Variants in DMWD observed in about 807,000 individuals in gnomAD.
DMWD encodes DM1 locus, WD repeat containing, also known as dystrophia myotonica WD repeat-containing protein.
In DMWD, 19 loss-of-function variants were observed where a neutral mutation model predicts 45.8. That is an observed-to-expected ratio of 0.41 (90% CI 0.29 to 0.61). The LOEUF (loss-of-function observed/expected upper bound fraction) is 0.61, where lower values mean the gene tolerates loss of function less well. Among genes scored for constraint, DMWD ranks in the 20% least tolerant of loss-of-function variants. The probability of loss-of-function intolerance (pLI) is 0.25; values close to 1 mark genes in which losing one functional copy is unlikely to be tolerated. For synonymous variants in DMWD, 515 were observed against 440.5 expected, an observed-to-expected ratio of 1.17 and a Z score of -2.12; for missense variants, 802 against 965.2, an observed-to-expected ratio of 0.83 and a Z score of 2.24.
At chr19:45,786,956 C>A in intron 2 of DMWD, 85 bp from the exon 3 acceptor site, 1 of 1,526,368 alleles carries the variant, frequency 6.6e-7, no homozygotes, top group Non-Finnish European at 8.8e-7. Flanking sequence ...CCAAGAAGGC[C>A]GTTGGACATG....
rs374443086 is a variant in DMWD, at chr19:45,785,595, G to A, written c.1901C>T (p.Ala634Val). The part of the protein sequence containing the change: ...LICTWARPGK[A>V]FTDEETEAQT... Reference sequence around the variant, plus strand: ...GCAGGCTGGTGTGGGGCCACTCACCGCCTTGCCCGGCCGGGCCCAGGTGCA... The same window carrying A: ...GCAGGCTGGTGTGGGGCCACTCACCACCTTGCCCGGCCGGGCCCAGGTGCA... Residue 634 changes from alanine (A) to valine (V), a missense_variant and splice_region_variant, in exon 3 of 5, where the codon GCG becomes GTG. Coordinates refer to ENST00000270223, the MANE Select transcript of DMWD (RefSeq NM_004943.2). The A allele has an allele frequency of 2.8e-5, 41 of 1,486,428 alleles. No homozygotes were observed. Among genetic ancestry groups the A allele is most frequent in the East Asian group, 2.5e-4 (10 of 40,738 alleles). 92.1% of individuals were successfully genotyped at this position (1,486,428 alleles called of 1,614,324 possible).
chr19:45,788,007 G>A (rs1970304538), intron 2 of DMWD, among the ~76,000 whole-genome samples: 1 of 152,178 alleles, frequency 6.6e-6, no homozygotes, highest in Non-Finnish European at 1.5e-5. Flanking sequence ...AACCCGGGAG[G>A]CGGAGGTTGC....
In DMWD at chr19:45,786,091, TG is replaced by T. The variant is rs1418622538; in HGVS notation, c.1404del (p.Thr469ArgfsTer190). 1 of 1,517,948 alleles carries T rather than the reference TG, an allele frequency of 6.6e-7. No homozygotes were observed. Among genetic ancestry groups the T allele is most frequent in the Non-Finnish European group, 8.8e-7 (1 of 1,131,782 alleles). 94.0% of individuals were successfully genotyped at this position (1,517,948 alleles called of 1,614,324 possible). ...CTCGAGCTGCTGGCGGCCGGTGGCG[TG>T]GTGCCAGGTGTGCCAGGGAGGGTGC... ...RTRTLPGTPG[T>X]TPPAASSSRG... On this transcript the variant is annotated frameshift_variant, in exon 3 of 5. Transcript: ENST00000270223. LOFTEE classifies it high-confidence loss of function.
rs780147513 is a variant in DMWD at position 45,785,897 on chromosome 19, G to T, written c.1599C>A (p.Asp533Glu). 3.7e-6 allele frequency: 6 copies of T among 1,603,616 alleles called. No individual in the cohort carries two copies. Among genetic ancestry groups the T allele is most frequent in the Non-Finnish European group, 4.2e-6 (5 of 1,179,480 alleles). The part of the protein sequence containing the change: ...FATLTLQERR[D>E]RGAEKEHKRY... ...GCTTGTGCTCCTTCTCTGCCCCCCG[G>T]TCCCGCCGCTCCTGCAGTGTGAGCG... Residue 533 changes from aspartate to glutamate, a missense_variant, in exon 3 of 5, where the codon GAC becomes GAA. Asp to Glu is a conservative substitution (Grantham distance 45). Around this residue, in one of 9 missense-constraint regions of DMWD, gnomAD observed 303 missense variants for 332.9 expected, o/e 0.91. Transcript: ENST00000270223.
At position 45,786,069 on chromosome 19, in the gene DMWD, G is replaced by A. The variant is rs766645711; in HGVS notation, c.1427C>T (p.Ser476Leu). The change falls in exon 3 of 5, where the codon TCG becomes TTG. Residue 476 changes from serine to leucine, a missense_variant. Physicochemically the swap from Ser to Leu is moderately radical, Grantham distance 145. Around this residue, in one of 9 missense-constraint regions of DMWD, gnomAD observed 303 missense variants for 332.9 expected, o/e 0.91. Transcript: ENST00000270223. ...PGTTPPAASS[S>L]RGGEPGPGPL... ...GCCTGGGCCAGGCTCGCCACCCCTC[G>A]AGCTGCTGGCGGCCGGTGGCGTGGT... is the stretch of plus-strand genomic sequence containing the variant. The A allele has an allele frequency of 5.3e-6, 8 of 1,522,424 alleles. No homozygotes were observed. The highest frequency in any genetic ancestry group is 3.8e-5 in the South Asian group (3 of 78,698). 94.3% of individuals were successfully genotyped at this position (1,522,424 alleles called of 1,614,324 possible). A position where few individuals can be genotyped will look rare whatever the true frequency, so the allele number is the denominator to read the frequency against.
chr19:45,783,702 T>A lies in DMWD; in HGVS notation c.*541A>T. Reference sequence around the variant, plus strand: ...AGAGTACACACACAGGTCCTCTACATCATCTCCTCCGAAGGGGACAGACCC... The same window carrying A: ...AGAGTACACACACAGGTCCTCTACAACATCTCCTCCGAAGGGGACAGACCC... On this transcript the variant is annotated 3_prime_UTR_variant, in exon 5 of 5. Transcript: ENST00000270223. 1 of 426,408 alleles carries A rather than the reference T, an allele frequency of 2.3e-6. No homozygotes were observed. The highest frequency in any genetic ancestry group is 4.1e-6 in the Non-Finnish European group (1 of 244,500). 26.4% of individuals were successfully genotyped at this position (426,408 alleles called of 1,614,324 possible).
At position 45,783,754 on chromosome 19, in the gene DMWD, A is replaced by C; in HGVS notation, c.*489T>G. 1 of 453,174 alleles carries C rather than the reference A, an allele frequency of 2.2e-6. No homozygotes were observed. The highest frequency in any genetic ancestry group is 3.8e-6 in the Non-Finnish European group (1 of 260,562). 28.1% of individuals were successfully genotyped at this position (453,174 alleles called of 1,614,324 possible). A position where few individuals can be genotyped will look rare whatever the true frequency, so the allele number is the denominator to read the frequency against. On this transcript the variant is annotated 3_prime_UTR_variant, in exon 5 of 5. Coordinates refer to ENST00000270223, the MANE Select transcript of DMWD (RefSeq NM_004943.2). Reference sequence around the variant, plus strand: ...CTGAGAAAACAGGGAACTTTAGTATAAATAAGAGGTCCTGCGGGACAGGGA... The same window carrying C: ...CTGAGAAAACAGGGAACTTTAGTATCAATAAGAGGTCCTGCGGGACAGGGA...
At chr19:45,785,043 G>A (rs1888972200) in intron 3 of DMWD, among the ~76,000 whole-genome samples, 1 of 152,226 alleles carries the variant, frequency 6.6e-6, no homozygotes, top group South Asian at 2.1e-4. Flanking sequence ...TGTTCTAAGA[G>A]GTGATGAGTT....
In DMWD at chr19:45,792,805, G is replaced by C; in HGVS notation, c.-49C>G. The C allele has an allele frequency of 1.8e-6, 2 of 1,087,226 alleles. No homozygotes were observed. The highest frequency in any genetic ancestry group is 2.2e-6 in the Non-Finnish European group (2 of 896,392). The allele number at this position is 1,087,226 out of a possible 1,614,324, so 67.3% of individuals were successfully genotyped here. ...CACTGCCGGACTGCCGCCCGCAGCC[G>C]GGCCCCCTCCCGGAAGCCGCTGGCC... On this transcript the variant is annotated 5_prime_UTR_variant, in exon 1 of 5. Transcript: ENST00000270223.
chr19:45,791,128 TG>T (rs778935465), intron 1 of DMWD, 41 bp from the exon 2 acceptor site: 104 of 1,556,942 alleles, frequency 6.7e-5, no homozygotes, highest in Non-Finnish European at 8.8e-5. Context: ...TGTATGCCAC[TG>T]AGGAGAAGGA....
chr19:45,786,058 C>A lies in DMWD; in HGVS notation c.1438G>T (p.Glu480Ter), dbSNP rs1353351554. The change falls in exon 3 of 5, where the codon GAG becomes TAG. Residue 480 changes from glutamate (E) to a stop codon, truncating the protein, a stop_gained. Coordinates refer to ENST00000270223, the MANE Select transcript of DMWD (RefSeq NM_004943.2). LOFTEE classifies it high-confidence loss of function. ...PPAASSSRGGEPGPGPLPRSL... is the reference protein window; with the variant it reads ...PPAASSSRGG ...CGAGGCAGGGGGCCTGGGCCAGGCT[C>A]GCCACCCCTCGAGCTGCTGGCGGCC... 2 of 1,523,624 alleles carry A rather than the reference C, an allele frequency of 1.3e-6. No individual in the cohort carries two copies. Among genetic ancestry groups the A allele is most frequent in the East Asian group, 2.4e-5 (1 of 41,748 alleles). 94.4% of individuals were successfully genotyped at this position (1,523,624 alleles called of 1,614,324 possible).
chr19:45,790,183 C>T (rs1284169573), intron 2 of DMWD: 2 of 150,778 alleles, frequency 1.3e-5, no homozygotes, highest in Non-Finnish European at 3.0e-5. Context: ...TGATAGTGCG[C>T]ACCTGTAGTC....
In DMWD at chr19:45,785,747, C is replaced by T; in HGVS notation, c.1749G>A (p.Leu583=). 6.2e-7 allele frequency: 1 copy of T among 1,609,150 alleles called. No homozygotes were observed. The highest frequency in any genetic ancestry group is 8.5e-7 in the Non-Finnish European group (1 of 1,177,362). The change falls in exon 3 of 5, where the codon CTG becomes CTA. Residue 583 remains leucine (L), a synonymous_variant. Coordinates refer to ENST00000270223, the MANE Select transcript of DMWD (RefSeq NM_004943.2). Reference sequence around the variant, plus strand: ...GGGGCACCTCGTGGATGCGCGGGCACAGCGCAGTGCCCAGCACCTTGGCGG... The same window carrying T: ...GGGGCACCTCGTGGATGCGCGGGCATAGCGCAGTGCCCAGCACCTTGGCGG... The part of the protein sequence containing the change: ...LDPAKVLGTA[L]CPRIHEVPLL...
chr19:45,784,087 G>C lies in DMWD; in HGVS notation c.*156C>G, dbSNP rs2146269643. The C allele has an allele frequency of 2.9e-6, 2 of 700,968 alleles. No individual in the cohort carries two copies. The highest frequency in any genetic ancestry group is 3.1e-5 in the South Asian group (2 of 64,108). 43.4% of individuals were successfully genotyped at this position (700,968 alleles called of 1,614,324 possible). A position where few individuals can be genotyped will look rare whatever the true frequency, so the allele number is the denominator to read the frequency against. ...TATTACATCGCCCGTGTCCGGGCCAGTCTGGGGGGCCCCCAAATTTTGTGC... is the reference window on the plus strand; with the variant it reads ...TATTACATCGCCCGTGTCCGGGCCACTCTGGGGGGCCCCCAAATTTTGTGC... On this transcript the variant is annotated 3_prime_UTR_variant, in exon 5 of 5. Transcript: ENST00000270223.
chr19:45,789,084 A>G (rs975900574), intron 2 of DMWD, among the ~76,000 whole-genome samples: 2 of 152,144 alleles, frequency 1.3e-5, no homozygotes, highest in African/African-American at 4.8e-5. Flanking sequence ...TGCTTCTTCT[A>G]AACAGGCCTT....
Position 45,786,248 on chromosome 19 carries a change from G to T in DMWD, c.1248C>A (p.Ala416=). The change falls in exon 3 of 5, where the codon GCC becomes GCA. Residue 416 remains alanine (A), a synonymous_variant. Coordinates refer to ENST00000270223, the MANE Select transcript of DMWD (RefSeq NM_004943.2). ...CAGCCTTGGGCAGTGGAGAGAGCGGGGCGCCCCCGGCCGAGCCTGTGCCCG... is the reference window on the plus strand; with the variant it reads ...CAGCCTTGGGCAGTGGAGAGAGCGGTGCGCCCCCGGCCGAGCCTGTGCCCG... ...EAAGTGSAGG[A]PLSPLPKAGS... is the part of the protein sequence containing the mutation. The T allele has an allele frequency of 6.2e-7, 1 of 1,608,066 alleles. No individual in the cohort carries two copies. The highest frequency in any genetic ancestry group is 1.1e-5 in the South Asian group (1 of 90,746).
chr19:45,785,895 C>T lies in DMWD; in HGVS notation c.1601G>A (p.Arg534Gln), dbSNP rs750640345. Residue 534 changes from arginine (R) to glutamine (Q), a missense_variant, in exon 3 of 5, where the codon CGG (arginine) becomes CAG (glutamine). Physicochemically the swap from Arg to Gln is conservative, Grantham distance 43. Coordinates refer to ENST00000270223, the MANE Select transcript of DMWD (RefSeq NM_004943.2). ...GCGCTTGTGCTCCTTCTCTGCCCCC[C>T]GGTCCCGCCGCTCCTGCAGTGTGAG... ...ATLTLQERRD[R>Q]GAEKEHKRYH... 2.6e-5 allele frequency: 41 copies of T among 1,603,534 alleles called. No individual in the cohort carries two copies. The highest frequency in any genetic ancestry group is 2.5e-4 in the East Asian group (11 of 44,882).
At chr19:45,791,818 T>A (rs762825553) in intron 1 of DMWD, among the ~76,000 whole-genome samples, 1 of 152,068 alleles carries the variant, frequency 6.6e-6, no homozygotes, top group Non-Finnish European at 1.5e-5. Flanking sequence ...CAATTTTCTC[T>A]AGAATCCCAT....
In DMWD at chr19:45,791,148, T is replaced by C. The variant is rs1970352500; in HGVS notation, c.442-61A>G. The C allele has an allele frequency of 4.6e-6, 7 of 1,518,270 alleles. No homozygotes were observed. In the Middle Eastern group the frequency reaches 5.5e-4, roughly 119 times the overall value. 94.0% of individuals were successfully genotyped at this position (1,518,270 alleles called of 1,614,324 possible). Reference sequence around the variant, plus strand: ...GCCACTGAGGAGAAGGAAGAGGATGTTGAGGTTGGGGGAAACCACTAAGAG... The same window carrying C: ...GCCACTGAGGAGAAGGAAGAGGATGCTGAGGTTGGGGGAAACCACTAAGAG... On this transcript the variant is annotated intron_variant, in intron 1 of 4. Coordinates refer to ENST00000270223, the MANE Select transcript of DMWD (RefSeq NM_004943.2).
Sources: allele counts gnomAD v4.1 joint callset (sites outside exome capture counted in the v4.1 genomes callset), GRCh38; gene constraint gnomAD v4.1.1; regional missense constraint gnomAD v4.1.1; transcripts MANE v1.5; gene names NCBI Gene and HGNC (gene_info 2026-07-23, HGNC 2026-07-21).